Variants in NRDC observed in about 807,000 individuals in gnomAD.
NRDC encodes nardilysin.
In NRDC, 54 loss-of-function variants were observed where a neutral mutation model predicts 147.1. That is an observed-to-expected ratio of 0.37 (90% CI 0.29 to 0.46). The LOEUF is 0.46. Among genes scored for constraint, NRDC ranks in the 20% least tolerant of loss-of-function variants. NRDC has a pLI of 1.00. For missense variants in NRDC, 1,082 were observed against 1,370.6 expected (o/e 0.79, Z 3.33); for synonymous variants, 440 against 482.1 (o/e 0.91, Z 1.14).
At chr1:51,833,435 T>G (rs1307120645) in intron 4 of NRDC, among the ~76,000 whole-genome samples, 1 of 142,484 alleles carries the variant, frequency 7.0e-6, no homozygotes, top group Non-Finnish European at 1.5e-5. Context: ...CAAGACCATA[T>G]CTCTTAAAAA....
At chr1:51,800,435 C>G (rs1019958581) in intron 21 of NRDC, 121 bp downstream of exon 21, 4 of 1,128,864 alleles carry the variant, frequency 3.5e-6, no homozygotes, top group Admixed American at 2.1e-5. Flanking sequence ...TAAACTAGAG[C>G]ACGATTCAAA....
At chr1:51,810,559 AGT>A in intron 15 of NRDC, among the ~76,000 whole-genome samples, 155 bp from the exon 16 acceptor site, 1 of 152,364 alleles carries the variant, frequency 6.6e-6, no homozygotes, top group East Asian at 1.9e-4. Context: ...AAGTCTCAAC[AGT>A]GTTTCAAAAA....
intron 24 of NRDC, among the ~76,000 whole-genome samples, chr1:51,794,229 C>T (rs1328954295): frequency 6.6e-6 from 1 of 152,204 alleles, no homozygotes; most frequent in African/African-American, 2.4e-5. Context: ...GGGATTTCCA[C>T]CCACACCTCG....
intron 3 of NRDC, among the ~76,000 whole-genome samples, chr1:51,834,987 G>C (rs1557918943): frequency 6.6e-6 from 1 of 152,116 alleles, no homozygotes; most frequent in East Asian, 1.9e-4. Flanking sequence ...ATTAAAAAAA[G>C]AGTAATTTAA....
At chr1:51,791,921 T>C in intron 26 of NRDC, 125 bp downstream of exon 26, 1 of 990,034 alleles carries the variant, frequency 1.0e-6, no homozygotes, top group Non-Finnish European at 1.5e-6. Flanking sequence ...TTTGGATGAC[T>C]AAATATCACC....
At chr1:51,849,790 G>A (rs531298648) in intron 1 of NRDC, among the ~76,000 whole-genome samples, 1 of 150,888 alleles carries the variant, frequency 6.6e-6, no homozygotes, top group East Asian at 2.0e-4. Flanking sequence ...CACTCCAGCC[G>A]GGGCGACAGA....
chr1:51,815,443 A>G (rs936062766), intron 11 of NRDC, among the ~76,000 whole-genome samples: 1 of 152,144 alleles, frequency 6.6e-6, no homozygotes, highest in Non-Finnish European at 1.5e-5. Flanking sequence ...TCTAAGAAAG[A>G]AATAATGAGA....
chr1:51,869,913 A>T (rs1683002743), intron 1 of NRDC, among the ~76,000 whole-genome samples: 2 of 152,130 alleles, frequency 1.3e-5, no homozygotes, highest in African/African-American at 4.8e-5. Flanking sequence ...AAATACACTT[A>T]AAAAAATTTT....
At chr1:51,878,212 C>T in intron 1 of NRDC, 63 bp downstream of exon 1, 1 of 1,520,824 alleles carries the variant, frequency 6.6e-7, no homozygotes, top group African/African-American at 1.4e-5. Flanking sequence ...CAAGAAGTGA[C>T]GGCGGCACCG....
intron 1 of NRDC, among the ~76,000 whole-genome samples, chr1:51,851,183 T>C (rs993830382): frequency 1.3e-5 from 2 of 152,072 alleles, no homozygotes; most frequent in African/African-American, 4.8e-5. Flanking sequence ...AAGATGTCTT[T>C]TGGTAAGTGG....
In NRDC at chr1:51,797,973, T is replaced by C. The variant is rs942128504; in HGVS notation, c.2604+276A>G. 8 of 324,624 alleles carry C rather than the reference T, an allele frequency of 2.5e-5. No individual in the cohort carries two copies. The Admixed American group carries it at 3.1e-4, about 12-fold the overall frequency. The allele number at this position is 324,624 out of a possible 1,614,324, so 20.1% of individuals were successfully genotyped here. A position where few individuals can be genotyped will look rare whatever the true frequency, so the allele number is the denominator to read the frequency against. ...TTTGTAGGGATGAGTTCTCACTGTG[T>C]TGCCTGGACTGGTCTCGAAATCCTG... On this transcript the variant is annotated intron_variant, in intron 22 of 30. Transcript: ENST00000352171.
At chr1:51,859,016 G>A (rs1354387884) in intron 1 of NRDC, among the ~76,000 whole-genome samples, 1 of 152,046 alleles carries the variant, frequency 6.6e-6, no homozygotes, top group Admixed American at 6.6e-5. Context: ...GCAAATGAGG[G>A]TACAATATGT....
intron 22 of NRDC, 34 bp downstream of exon 22, chr1:51,798,215 T>A: frequency 6.2e-7 from 1 of 1,608,918 alleles, no homozygotes. Flanking sequence ...CACAACTGCA[T>A]TCAGACCTGG....
At chr1:51,823,270 A>G (rs1216456495) in intron 7 of NRDC, among the ~76,000 whole-genome samples, 1 of 152,230 alleles carries the variant, frequency 6.6e-6, no homozygotes, top group East Asian at 1.9e-4. Context: ...ACCTTATGTA[A>G]GAATGAACAA....
intron 2 of NRDC, chr1:51,837,609 GCT>G: frequency 1.3e-6 from 2 of 1,528,742 alleles, no homozygotes; most frequent in Non-Finnish European, 1.8e-6. Context: ...GCAAAAACAG[GCT>G]CTGCAATTGC....
chr1:51,820,133 C>G (rs2149207711), intron 8 of NRDC, among the ~76,000 whole-genome samples: 1 of 152,292 alleles, frequency 6.6e-6, no homozygotes, highest in African/African-American at 2.4e-5. Context: ...CCTCTCACCC[C>G]AATATTTACT....
At chr1:51,854,523 A>G (rs1682141245) in intron 1 of NRDC, among the ~76,000 whole-genome samples, 1 of 152,224 alleles carries the variant, frequency 6.6e-6, no homozygotes, top group Non-Finnish European at 1.5e-5. Flanking sequence ...AGGGACCCCA[A>G]GCATAGAAAA....
intron 1 of NRDC, among the ~76,000 whole-genome samples, chr1:51,860,375 T>C (rs1432434124): frequency 6.6e-6 from 1 of 152,248 alleles, no homozygotes; most frequent in African/African-American, 2.4e-5. Flanking sequence ...AACTTTCTTA[T>C]CTGGAGACAG....
At chr1:51,835,147 C>T (rs905486202) in intron 3 of NRDC, among the ~76,000 whole-genome samples, 30 of 151,488 alleles carry the variant, frequency 2.0e-4, no homozygotes, top group Admixed American at 2.0e-3. Context: ...CTGCAACCTC[C>T]GCCTCTTGGA....
Sources: allele counts gnomAD v4.1 joint callset (sites outside exome capture counted in the v4.1 genomes callset), GRCh38; gene constraint gnomAD v4.1.1; transcripts MANE v1.5; gene names NCBI Gene and HGNC (gene_info 2026-07-23, HGNC 2026-07-21).